Variants in CDHR2 observed in about 807,000 individuals in gnomAD.
CDHR2 encodes the protein cadherin-related family member 2.
Under a neutral mutation model 138.6 loss-of-function variants are expected in CDHR2, and 104 were observed. The observed-to-expected ratio is 0.75, with a 90% CI of 0.64 to 0.88. The LOEUF (loss-of-function observed/expected upper bound fraction) is 0.88. Among genes scored for constraint, CDHR2 ranks in the 40% least tolerant of loss-of-function variants. The pLI, the probability that CDHR2 is intolerant of heterozygous loss-of-function variation, is 0.00. For synonymous variants in CDHR2, 755 were observed against 742.8 expected (o/e 1.02, Z -0.27); for missense variants, 1,624 against 1,727.6 (o/e 0.94, Z 1.06).
chr5:176,567,137 T>C, intron 3 of CDHR2: 1 of 394,452 alleles, frequency 2.5e-6, no homozygotes, highest in South Asian at 1.8e-5. Context: ...CTCATGTCTA[T>C]CCCATGGAGG....
chr5:176,588,505 ATGAG>A (rs1758736024), intron 21 of CDHR2, among the ~76,000 whole-genome samples: 1 of 113,252 alleles, frequency 8.8e-6, no homozygotes, highest in East Asian at 2.8e-4. Flanking sequence ...GAGGGTGTGT[ATGAG>A]TGTGTGCATG....
intron 12 of CDHR2, 54 bp from the exon 13 acceptor site, chr5:176,577,345 T>G: frequency 1.9e-6 from 3 of 1,552,908 alleles, no homozygotes; most frequent in Non-Finnish European, 2.6e-6. Context: ...TGGGGGAAGA[T>G]GCAGGTGGGC....
intron 17 of CDHR2, among the ~76,000 whole-genome samples, chr5:176,582,327 C>T (rs1279532772): frequency 2.0e-5 from 3 of 152,136 alleles, no homozygotes; most frequent in African/African-American, 4.8e-5. Context: ...GCTAATTTGG[C>T]TAATTTTTAA....
At chr5:176,588,712 AGT>A (rs1554144044) in intron 21 of CDHR2, among the ~76,000 whole-genome samples, 13 of 100,666 alleles carry the variant, frequency 1.3e-4, no homozygotes, top group African/African-American at 3.9e-4. Context: ...TGTGTGTGTG[AGT>A]GTGTGTGTGT....
rs547117812 is a variant in CDHR2, at chr5:176,555,385, G to A, written c.-16+5971G>A. Among the ~76,000 whole-genome samples the A allele has an allele frequency of 2.6e-5, 4 of 152,328 alleles. No homozygotes were observed. The South Asian group carries it at 8.3e-4, about 32-fold the overall frequency. Reference sequence around the variant, plus strand: ...TGGCTGTGAATCCCACTCACTTTCAGCTGTGAGGGCCTCAGCGGAACACTC... The same window carrying A: ...TGGCTGTGAATCCCACTCACTTTCAACTGTGAGGGCCTCAGCGGAACACTC... On this transcript the variant is annotated intron_variant, in intron 1 of 31. Coordinates refer to ENST00000261944, the MANE Select transcript of CDHR2 (RefSeq NM_017675.6).
intron 31 of CDHR2, among the ~76,000 whole-genome samples, chr5:176,594,170 G>T (rs1222832401): frequency 6.6e-6 from 1 of 152,186 alleles, no homozygotes; most frequent in Non-Finnish European, 1.5e-5. Flanking sequence ...GTCACGGAAA[G>T]TCTTCAAAGC....
At chr5:176,588,941 T>C in intron 21 of CDHR2, 90 bp from the exon 22 acceptor site, 2 of 1,417,270 alleles carry the variant, frequency 1.4e-6, no homozygotes, top group Non-Finnish European at 9.7e-7. Context: ...AGGGCCAGCC[T>C]CCCAGGCCAC....
Position 176,577,636 on chromosome 5 carries a change from G to T in CDHR2, c.1351-1G>T. On this transcript the variant is annotated splice_acceptor_variant, in intron 13 of 31. Coordinates refer to ENST00000261944, the MANE Select transcript of CDHR2 (RefSeq NM_017675.6). LOFTEE classifies it high-confidence loss of function. ...GCTGCTGCCTCCTCCCCTGCCCCCAGGTTGTGGCCACAGACTCCGTCAGCC... is the reference window on the plus strand; with the variant it reads ...GCTGCTGCCTCCTCCCCTGCCCCCATGTTGTGGCCACAGACTCCGTCAGCC... The T allele has an allele frequency of 1.2e-6, 2 of 1,614,214 alleles. No homozygotes were observed. The highest frequency in any genetic ancestry group is 1.7e-6 in the Non-Finnish European group (2 of 1,180,028).
chr5:176,589,301 G>A (rs751151781), intron 22 of CDHR2, 29 bp from the exon 23 acceptor site: 4 of 1,562,790 alleles, frequency 2.6e-6, no homozygotes, highest in Non-Finnish European at 3.5e-6. Context: ...TGGGTTCCAA[G>A]ACTGACCTGC....
chr5:176,583,035 C>T lies in CDHR2; in HGVS notation c.2059-1155C>T, dbSNP rs1030347833. Among the ~76,000 whole-genome samples the T allele has an allele frequency of 2.0e-5, 3 of 152,356 alleles. No homozygotes were observed. The South Asian group carries it at 6.2e-4, about 32-fold the overall frequency. ...CCCCTGGACTGGGATGTGCCATTTT[C>T]ACACAAGGGTCAGAGAGTGAGACCT... On this transcript the variant is annotated intron_variant, in intron 17 of 31. Transcript: ENST00000261944.
At chr5:176,565,639 G>A (rs772359771) in intron 2 of CDHR2, 33 bp from the exon 3 acceptor site, 2 of 1,595,048 alleles carry the variant, frequency 1.3e-6, no homozygotes, top group Admixed American at 1.7e-5. Context: ...TTGCAGGGGT[G>A]TCCCGATGTT....
At chr5:176,586,983 C>A (rs1366864128) in intron 21 of CDHR2, 141 bp downstream of exon 21, 7 of 671,290 alleles carry the variant, frequency 1.0e-5, no homozygotes, top group Non-Finnish European at 1.8e-5. Flanking sequence ...AAACCAACAC[C>A]TGTCTAATCA....
Position 176,574,187 on chromosome 5 carries a change from G to A in CDHR2, c.495+15G>A. ...CCATAGAGAAGGTGAGTGTGAAGGG[G>A]GCCCTGACCGCCTTTGTGACCGCCA... On this transcript the variant is annotated intron_variant, in intron 7 of 31. Coordinates refer to ENST00000261944, the MANE Select transcript of CDHR2 (RefSeq NM_017675.6). 6.3e-7 allele frequency: 1 copy of A among 1,594,942 alleles called. No homozygotes were observed. Among genetic ancestry groups the A allele is most frequent in the Non-Finnish European group, 8.6e-7 (1 of 1,162,728 alleles).
At position 176,575,632 on chromosome 5, in the gene CDHR2, T is replaced by A. The variant is rs1046344120; in HGVS notation, c.844+51T>A. 3 of 1,602,110 alleles carry A rather than the reference T, an allele frequency of 1.9e-6. No homozygotes were observed. In the African/African-American group the frequency reaches 4.0e-5, roughly 22 times the overall value. ...GGGCTGGGCCGGGGCCAGGGTGGGG[T>A]CTCCGTCAGAGTCCCTGGAGGCAAT... On this transcript the variant is annotated intron_variant, in intron 10 of 31. Coordinates refer to ENST00000261944, the MANE Select transcript of CDHR2 (RefSeq NM_017675.6).
intron 6 of CDHR2, 120 bp from the exon 7 acceptor site, chr5:176,573,963 C>G: frequency 4.0e-6 from 3 of 742,148 alleles, no homozygotes; most frequent in Non-Finnish European, 6.6e-6. Flanking sequence ...GTGGGAAGGA[C>G]AGGGGAACCC....
intron 1 of CDHR2, among the ~76,000 whole-genome samples, chr5:176,556,418 G>T (rs769926941): frequency 1.4e-4 from 22 of 152,252 alleles, no homozygotes; most frequent in Non-Finnish European, 2.9e-4. Flanking sequence ...TGTAATCCCA[G>T]CACTTTGGGA....
intron 1 of CDHR2, chr5:176,556,667 AAAACAAACAAAC>A (rs570736420): frequency 1.3e-5 from 2 of 152,528 alleles, no homozygotes; most frequent in African/African-American, 4.8e-5. Context: ...TCCGTCTCAA[AAAACAAACAAAC>A]AAACAAACAA....
chr5:176,585,242 A>G (rs1489836408), intron 19 of CDHR2, among the ~76,000 whole-genome samples: 2 of 152,234 alleles, frequency 1.3e-5, no homozygotes, highest in Admixed American at 6.5e-5. Flanking sequence ...ATATGGATGT[A>G]TGGCATTTAT....
intron 19 of CDHR2, 32 bp downstream of exon 19, chr5:176,585,047 G>A: frequency 6.6e-7 from 1 of 1,521,898 alleles, no homozygotes; most frequent in Non-Finnish European, 8.9e-7. Context: ...GGGCTTGGCA[G>A]GCCATAGCTT....
Sources: allele counts gnomAD v4.1 joint callset (sites outside exome capture counted in the v4.1 genomes callset), GRCh38; gene constraint gnomAD v4.1.1; transcripts MANE v1.5; gene names NCBI Gene and HGNC (gene_info 2026-07-23, HGNC 2026-07-21).